The following HEBP1 variants were observed in gnomAD, a reference collection of about 807,000 sequenced individuals.
HEBP1 encodes heme binding protein 1.
Under a neutral mutation model 20.4 loss-of-function variants are expected in HEBP1, and 13 were observed. That is an observed-to-expected ratio of 0.64 (90% CI 0.42 to 1.01). The LOEUF (loss-of-function observed/expected upper bound fraction) is 1.01. Among genes scored for constraint, HEBP1 ranks in the 50% least tolerant of loss-of-function variants. HEBP1 has a pLI of 0.00. For missense variants in HEBP1, 241 were observed against 247.3 expected, an observed-to-expected ratio of 0.97 and a Z score of 0.17; for synonymous variants, 92 against 90.7, an observed-to-expected ratio of 1.01 and a Z score of -0.08.
chr12:12,979,343 A>G (rs757698821), intron 3 of HEBP1: 1 of 152,460 alleles, frequency 6.6e-6, no homozygotes, highest in Non-Finnish European at 1.5e-5. Flanking sequence ...CTTTTACTGG[A>G]AAACAAACAA....
intron 3 of HEBP1, chr12:12,985,944 C>T (rs1386006): frequency 2.6e-5 from 4 of 152,172 alleles, no homozygotes. Context: ...AAAAGACAAG[C>T]AGACATCTAA....
chr12:12,995,873 G>A (rs1864282934), intron 1 of HEBP1, among the ~76,000 whole-genome samples: 1 of 152,176 alleles, frequency 6.6e-6, no homozygotes, highest in African/African-American at 2.4e-5. Context: ...ATTTTGGCCT[G>A]TGGCTACAAA....
At chr12:12,997,731 C>T (rs1199150908) in intron 1 of HEBP1, among the ~76,000 whole-genome samples, 1 of 152,212 alleles carries the variant, frequency 6.6e-6, no homozygotes, top group Non-Finnish European at 1.5e-5. Context: ...GCACAGGCCA[C>T]GAACCAGCCC....
chr12:12,997,877 G>A (rs1241987330), intron 1 of HEBP1, among the ~76,000 whole-genome samples: 1 of 152,234 alleles, frequency 6.6e-6, no homozygotes, highest in Non-Finnish European at 1.5e-5. Context: ...GCTGTTAGGA[G>A]AAAGGCTGTG....
Position 13,000,209 on chromosome 12 carries a change from G to GGCGGCAGGGCGGCAGT in HEBP1, c.-96_-95insACTGCCGCCCTGCCGC. 1 of 381,190 alleles carries GGCGGCAGGGCGGCAGT rather than the reference G, an allele frequency of 2.6e-6. No homozygotes were observed. The highest frequency in any genetic ancestry group is 6.6e-5 in the South Asian group (1 of 15,230). The allele number at this position is 381,190 out of a possible 1,614,324, so 23.6% of individuals were successfully genotyped here. On this transcript the variant is annotated 5_prime_UTR_variant, in exon 1 of 4. Transcript: ENST00000014930. ...GCGACCACCGGCGGCAGGGCGGCAGGGCGGCAGGGCGGCAGGGCGGCAGGG... is the reference window on the plus strand; with the variant it reads ...GCGACCACCGGCGGCAGGGCGGCAGGGCGGCAGGGCGGCAGTGCGGCAGGGCGGCAGGGCGGCAGGG...
chr12:12,979,196 T>C (rs1001769925), intron 3 of HEBP1, among the ~76,000 whole-genome samples: 1 of 151,920 alleles, frequency 6.6e-6, no homozygotes, highest in Admixed American at 6.6e-5. Context: ...CAGCAGAGAG[T>C]GAGATGGAGA....
At chr12:12,979,619 G>C (rs1864049253) in intron 3 of HEBP1, 1 of 152,218 alleles carries the variant, frequency 6.6e-6, no homozygotes, top group Non-Finnish European at 1.5e-5. Context: ...GCGCGCACTT[G>C]AAGGTGAGTT....
intron 1 of HEBP1, among the ~76,000 whole-genome samples, chr12:12,991,153 A>C (rs1864220339): frequency 6.6e-6 from 1 of 152,186 alleles, no homozygotes; most frequent in Non-Finnish European, 1.5e-5. Flanking sequence ...TGTCTTGATA[A>C]ATTGGTTCTA....
rs1028988577 is a variant in HEBP1, at chr12:12,998,348, A to G, written c.78+1689T>C. Among the ~76,000 whole-genome samples, 3 of 152,264 alleles carry G rather than the reference A, an allele frequency of 2.0e-5. No homozygotes were observed. The highest frequency in any genetic ancestry group is 2.9e-5 in the Non-Finnish European group (2 of 68,020). On this transcript the variant is annotated intron_variant, in intron 1 of 3. Transcript: ENST00000014930. The surrounding 1 kb of genome is among the most constrained non-coding windows in gnomAD (Gnocchi z 4.2). The stretch of plus-strand genomic sequence containing the variant: ...TTTTAAATTGGGTGATTTCGCTAAG[A>G]ATCTGGATGTATGGTTTTCCTTAAG...
intron 2 of HEBP1, 124 bp from the exon 3 acceptor site, chr12:12,987,456 G>T (rs1864166425): frequency 1.4e-6 from 1 of 708,406 alleles, no homozygotes; most frequent in Non-Finnish European, 2.3e-6. Context: ...AATTAACAAT[G>T]AACATTTCAA....
intron 1 of HEBP1, among the ~76,000 whole-genome samples, chr12:12,995,868 G>T (rs116531340): frequency 0.015 from 2,300 of 152,238 alleles, 48 homozygotes; most frequent in African/African-American, 0.052. Context: ...TGGAGATTTT[G>T]GCCTGTGGCT....
At chr12:12,992,537 T>G (rs911526640) in intron 1 of HEBP1, among the ~76,000 whole-genome samples, 13 of 152,084 alleles carry the variant, frequency 8.5e-5, no homozygotes, top group African/African-American at 3.1e-4. Context: ...AGTGCCAAGT[T>G]TGTACTTAAA....
At chr12:12,981,842 C>T (rs188841657) in intron 3 of HEBP1, among the ~76,000 whole-genome samples, 323 of 152,232 alleles carry the variant, frequency 2.1e-3, no homozygotes, top group African/African-American at 7.5e-3. Flanking sequence ...GGGAGACAGA[C>T]AGAGGTTAGG....
At chr12:12,987,618 C>CTCTT (rs1243037194) in intron 2 of HEBP1, among the ~76,000 whole-genome samples, 3 of 115,040 alleles carry the variant, frequency 2.6e-5, no homozygotes, top group Non-Finnish European at 5.8e-5. Flanking sequence ...CTCTTTCTCT[C>CTCTT]TCTCTCTCTC....
At chr12:12,977,795 A>G (rs531398729) in intron 3 of HEBP1, among the ~76,000 whole-genome samples, 2 of 152,028 alleles carry the variant, frequency 1.3e-5, no homozygotes, top group South Asian at 4.2e-4. Context: ...TTAACATACT[A>G]TATAATTTAC....
At chr12:12,976,346 C>A (rs541626573) in intron 3 of HEBP1, among the ~76,000 whole-genome samples, 1 of 152,276 alleles carries the variant, frequency 6.6e-6, no homozygotes, top group South Asian at 2.1e-4. Flanking sequence ...TAAAGCCTTT[C>A]TTTTCAAGAT....
In HEBP1 at chr12:12,975,464, A is replaced by C. The variant is rs201513628; in HGVS notation, c.414T>G (p.Tyr138Ter). The C allele has an allele frequency of 6.2e-7, 1 of 1,608,434 alleles. No homozygotes were observed. Among genetic ancestry groups the C allele is most frequent in the Non-Finnish European group, 8.5e-7 (1 of 1,177,828 alleles). The change falls in exon 4 of 4, where the codon TAT (tyrosine) becomes TAG (stop). Residue 138 changes from tyrosine to a stop codon, truncating the protein, a stop_gained. Transcript: ENST00000014930. LOFTEE classifies it high-confidence loss of function. Reference sequence around the variant, plus strand: ...GTGCTACGTAGTCTGCTTCCTTGGCATAACCACCAAACTGCCTGGGGGTTC... The same window carrying C: ...GTGCTACGTAGTCTGCTTCCTTGGCCTAACCACCAAACTGCCTGGGGGTTC... ...ITVYSMQFGG[Y>*]AKEADYVAQA...
chr12:12,995,997 T>C (rs1864284359), intron 1 of HEBP1, among the ~76,000 whole-genome samples: 1 of 152,258 alleles, frequency 6.6e-6, no homozygotes, highest in Non-Finnish European at 1.5e-5. Flanking sequence ...GTCAGTTTTT[T>C]TCTTGCCACT....
chr12:12,985,958 AGGGCACAAGATTTAAG>A (rs531429839), intron 3 of HEBP1: 2 of 152,350 alleles, frequency 1.3e-5, no homozygotes, highest in African/African-American at 4.8e-5. Context: ...CATCTAACCC[AGGGCACAAGATTTAAG>A]GAGGCGCTCA....
Sources: gnomAD v4.1 joint callset for allele counts (sites outside exome capture counted in the v4.1 genomes callset) on GRCh38, gnomAD v4.1.1 for gene constraint, Gnocchi (gnomAD v3.1) non-coding constraint, MANE v1.5 for transcripts, NCBI Gene and HGNC (gene_info 2026-07-23, HGNC 2026-07-21) for gene names.